MCCC2: variants seen among roughly 807,000 people sequenced by gnomAD.
The protein encoded by MCCC2 is methylcrotonyl-CoA carboxylase subunit 2.
MCCC2 carries 52 observed loss-of-function variants against 77.2 expected under a neutral mutation model. The observed-to-expected ratio is 0.67, with a 90% confidence interval of 0.54 to 0.85. The LOEUF (loss-of-function observed/expected upper bound fraction) is 0.85, where lower values mean the gene tolerates loss of function less well. Among genes scored for constraint, MCCC2 ranks in the 40% least tolerant of loss-of-function variants. The pLI is 0.00. For synonymous variants in MCCC2, 253 were observed against 248.4 expected (o/e 1.02, Z -0.18); for missense variants, 682 against 703.2 (o/e 0.97, Z 0.34).
intron 6 of MCCC2, among the ~76,000 whole-genome samples, chr5:71,625,239 A>C (rs1277539436): frequency 6.6e-6 from 1 of 152,178 alleles, no homozygotes; most frequent in Non-Finnish European, 1.5e-5. Context: ...CTTTTTGGAT[A>C]CTGAAATAGT....
At chr5:71,608,269 G>T (rs1451473392) in intron 6 of MCCC2, among the ~76,000 whole-genome samples, 1 of 120,016 alleles carries the variant, frequency 8.3e-6, no homozygotes, top group Non-Finnish European at 1.7e-5. Flanking sequence ...CCTGTATTGG[G>T]TGCATATATA....
chr5:71,613,772 C>G (rs1056616387), intron 6 of MCCC2, among the ~76,000 whole-genome samples: 2 of 151,730 alleles, frequency 1.3e-5, no homozygotes. Flanking sequence ...TATAATATAT[C>G]AGAGAAGGAA....
chr5:71,622,874 A>T (rs1325820823), intron 6 of MCCC2, among the ~76,000 whole-genome samples: 1 of 152,160 alleles, frequency 6.6e-6, no homozygotes, highest in Non-Finnish European at 1.5e-5. Context: ...TGGGAGGCGG[A>T]GGCGGGCGGA....
Position 71,637,084 on chromosome 5 carries a change from G to A in MCCC2, c.999+1838G>A, listed in dbSNP as rs140751926. 2.1e-3 allele frequency among the ~76,000 whole-genome samples: 319 copies of A among 152,240 alleles called. 4 individuals carry two copies. Among genetic ancestry groups the A allele is most frequent in the African/African-American group, 7.4e-3 (308 of 41,544 alleles). On this transcript the variant is annotated intron_variant, in intron 10 of 16. Transcript: ENST00000340941. The stretch of plus-strand genomic sequence containing the variant: ...TTAAAAAAAATGTATTAAAGTTATA[G>A]CTTTTAAGTTCAGCTTAAAGATACA...
At position 71,657,989 on chromosome 5, in the gene MCCC2, T is replaced by C. The variant is rs994175328; in HGVS notation, c.*1129T>C. ...ACTATCCCCTGAATTTCCCCACTTA[T>C]TTTTGTCTTTCACTATCGCAGGCCT... On this transcript the variant is annotated 3_prime_UTR_variant, in exon 17 of 17. Transcript: ENST00000340941. 2.0e-5 allele frequency: 3 copies of C among 152,272 alleles called. No homozygotes were observed. The highest frequency in any genetic ancestry group is 6.5e-5 in the Admixed American group (1 of 15,280). The allele number at this position is 152,272 out of a possible 1,614,324, so 9.4% of individuals were successfully genotyped here.
intron 6 of MCCC2, among the ~76,000 whole-genome samples, chr5:71,604,675 C>T (rs1745597167): frequency 6.6e-6 from 1 of 151,794 alleles, no homozygotes; most frequent in Non-Finnish European, 1.5e-5. Context: ...TGGTGCGCTG[C>T]ACCCACTAAA....
chr5:71,596,943 A>C (rs1348450294), intron 3 of MCCC2, among the ~76,000 whole-genome samples: 1 of 152,142 alleles, frequency 6.6e-6, no homozygotes, highest in Non-Finnish European at 1.5e-5. Context: ...CTGTCTCAAA[A>C]AAAAAAAAGA....
Position 71,621,117 on chromosome 5 carries a change from G to A in MCCC2, c.625-5523G>A, listed in dbSNP as rs188196198. On this transcript the variant is annotated intron_variant, in intron 6 of 16. Coordinates refer to ENST00000340941, the MANE Select transcript of MCCC2 (RefSeq NM_022132.5). The stretch of plus-strand genomic sequence containing the variant: ...CAGTGTCCTTAGGTAACGTCTTTGT[G>A]GTACCACCAGTGAATGCTTTGGGAC... 3.9e-4 allele frequency among the ~76,000 whole-genome samples: 60 copies of A among 152,234 alleles called. 1 individual carries two copies. The highest frequency in any genetic ancestry group is 1.3e-3 in the African/African-American group (55 of 41,538).
Position 71,604,714 on chromosome 5 carries a change from A to G in MCCC2, c.624+246A>G, listed in dbSNP as rs576721297. ...TCATCTAGCATTAGGTATATCTCCC[A>G]ATGCTATCCCTCCCCGCTCCCCCCA... On this transcript the variant is annotated intron_variant, in intron 6 of 16. Coordinates refer to ENST00000340941, the MANE Select transcript of MCCC2 (RefSeq NM_022132.5). Among the ~76,000 whole-genome samples the G allele has an allele frequency of 2.0e-5, 3 of 151,718 alleles. No individual in the cohort carries two copies. In the South Asian group the frequency reaches 6.3e-4, roughly 32 times the overall value.
intron 6 of MCCC2, among the ~76,000 whole-genome samples, chr5:71,606,371 CTGTT>C (rs1244551238): frequency 2.0e-5 from 3 of 152,110 alleles, no homozygotes; most frequent in Non-Finnish European, 4.4e-5. Flanking sequence ...ATTTGGCTCT[CTGTT>C]TGTCTGTTGT....
intron 12 of MCCC2, among the ~76,000 whole-genome samples, chr5:71,645,978 C>T (rs770446666): frequency 3.9e-5 from 6 of 151,926 alleles, no homozygotes; most frequent in Non-Finnish European, 5.9e-5. Flanking sequence ...AGGAGGATTG[C>T]TTGAGCCCAG....
At chr5:71,656,156 A>G (rs937294239) in intron 16 of MCCC2, among the ~76,000 whole-genome samples, 2 of 152,214 alleles carry the variant, frequency 1.3e-5, no homozygotes, top group South Asian at 2.1e-4. Flanking sequence ...CGGAGATTGC[A>G]GTGAACTGAG....
At position 71,632,139 on chromosome 5, in the gene MCCC2, G is replaced by A; in HGVS notation, c.757G>A (p.Glu253Lys). 3 of 1,614,222 alleles carry A rather than the reference G, an allele frequency of 1.9e-6. No individual in the cohort carries two copies. Among genetic ancestry groups the A allele is most frequent in the Non-Finnish European group, 1.7e-6 (2 of 1,180,016 alleles). ...GPPLVKAATG[E>K]EVSAEDLGGA... ...GTTGTAGGTTAAAGCGGCAACTGGG[G>A]AAGAAGTATCTGCTGAGGATCTTGG... The change falls in exon 8 of 17, where the codon GAA becomes AAA. Residue 253 changes from glutamate (E) to lysine (K), a missense_variant. Glu to Lys is a moderately conservative substitution (Grantham distance 56). Transcript: ENST00000340941.
chr5:71,595,577 T>G (rs1745153001), intron 2 of MCCC2, among the ~76,000 whole-genome samples: 1 of 152,068 alleles, frequency 6.6e-6, no homozygotes. Context: ...CCAATAAAAA[T>G]AAACTAATGT....
chr5:71,608,596 T>C (rs1043131287), intron 6 of MCCC2, among the ~76,000 whole-genome samples: 4 of 152,048 alleles, frequency 2.6e-5, no homozygotes, highest in Non-Finnish European at 4.4e-5. Context: ...AATATTGTTA[T>C]GTGTGAATTT....
intron 10 of MCCC2, among the ~76,000 whole-genome samples, chr5:71,640,800 T>C (rs186935029): frequency 2.0e-5 from 3 of 152,324 alleles, no homozygotes; most frequent in South Asian, 4.1e-4. Flanking sequence ...GTTGCTTGTA[T>C]AGTGAAGTAT....
chr5:71,642,995 C>T (rs907873669), intron 11 of MCCC2, among the ~76,000 whole-genome samples: 20 of 150,672 alleles, frequency 1.3e-4, no homozygotes, highest in African/African-American at 4.9e-4. Flanking sequence ...AGAAAAAGAC[C>T]CTGTCTCATA....
intron 10 of MCCC2, chr5:71,636,086 AT>A: frequency 7.3e-6 from 3 of 411,412 alleles, no homozygotes; most frequent in Non-Finnish European, 9.7e-6. Context: ...AATTATAAAC[AT>A]TTTCCCATGT....
intron 6 of MCCC2, among the ~76,000 whole-genome samples, chr5:71,625,903 T>A (rs915317023): frequency 1.3e-5 from 2 of 152,358 alleles, no homozygotes; most frequent in African/African-American, 2.4e-5. Context: ...TATGATAATT[T>A]AAAAAATATT....
Sources: gnomAD v4.1 joint callset for allele counts (sites outside exome capture counted in the v4.1 genomes callset) on GRCh38, gnomAD v4.1.1 for gene constraint, MANE v1.5 for transcripts, NCBI Gene and HGNC (gene_info 2026-07-23, HGNC 2026-07-21) for gene names.